The following SLC4A5 variants were observed in gnomAD, a reference collection of about 807,000 sequenced individuals.
SLC4A5 encodes solute carrier family 4 member 5.
SLC4A5 carries 96 observed loss-of-function variants against 120.4 expected under a neutral mutation model. The ratio of observed to expected loss-of-function variants is 0.80; its 90% confidence interval spans 0.68 to 0.94. SLC4A5 has a LOEUF of 0.94. Ranked by LOEUF, SLC4A5 falls within the 40% of genes least tolerant of loss-of-function variation. The probability of loss-of-function intolerance (pLI) is 0.00; values close to 1 mark genes in which losing one functional copy is unlikely to be tolerated. For synonymous variants in SLC4A5, 550 were observed against 571.1 expected, an observed-to-expected ratio of 0.96 and a Z score of 0.53; for missense variants, 1,259 against 1,459.5, an observed-to-expected ratio of 0.86 and a Z score of 2.24.
chr2:74,254,818 T>C (rs1670909742), intron 13 of SLC4A5, 112 bp from the exon 14 acceptor site: 1 of 125,932 alleles, frequency 7.9e-6, no homozygotes, highest in African/African-American at 4.9e-5. Flanking sequence ...ACAGTATGCA[T>C]TTTTTTTTTT....
chr2:74,342,143 C>T (rs543658947), intron 2 of SLC4A5, among the ~76,000 whole-genome samples: 11 of 152,300 alleles, frequency 7.2e-5, no homozygotes, highest in African/African-American at 2.6e-4. Flanking sequence ...GAAGGAAACC[C>T]AAGACCAGTT....
exon 17 of SLC4A5, chr2:74,250,437 T>C: frequency 1.9e-6 from 3 of 1,614,192 alleles, no homozygotes; most frequent in South Asian, 2.2e-5. Flanking sequence ...AGAGATGGAC[T>C]GAATGTGGAA....
chr2:74,235,255 C>T (rs776694831), intron 21 of SLC4A5, 41 bp from the exon 22 acceptor site: 3 of 1,521,108 alleles, frequency 2.0e-6, no homozygotes, highest in Admixed American at 1.7e-5. Flanking sequence ...GTGAGTAAAG[C>T]ACCCACCCAG....
rs962471976 is a variant in SLC4A5, at chr2:74,222,745, T to C, written c.3331+123A>G. ...AAACTTGTCCCTTATGACAAAAAAG[T>C]TGGGGACTGCTGCTCTAGCATCCAA... On this transcript the variant is annotated intron_variant, in intron 29 of 30. Coordinates refer to ENST00000394019, the Ensembl canonical transcript of SLC4A5. 4.7e-6 allele frequency: 4 copies of C among 856,126 alleles called. No individual in the cohort carries two copies. The African/African-American group carries it at 5.0e-5, about 11-fold the overall frequency. 53.0% of individuals were successfully genotyped at this position (856,126 alleles called of 1,614,324 possible).
intron 9 of SLC4A5, 80 bp from the exon 10 acceptor site, chr2:74,264,379 T>G: frequency 6.7e-7 from 1 of 1,482,228 alleles, no homozygotes; most frequent in Non-Finnish European, 9.1e-7. Flanking sequence ...TCACCTGTTA[T>G]TAGTGGGATT....
At chr2:74,247,143 T>G (rs775061845) in exon 19 of SLC4A5, 1 of 1,614,210 alleles carries the variant, frequency 6.2e-7, no homozygotes, top group East Asian at 2.2e-5. Flanking sequence ...CTTGATGGCA[T>G]CGTAGATGAA....
Position 74,264,311 on chromosome 2 carries a change from A to G in SLC4A5, c.563-12T>C, listed in dbSNP as rs776196864. ...CTCAATGACATCATCTGTGTGGAAA[A>G]CATACACACCTCATCCCTGTGGGAC... On this transcript the variant is annotated splice_polypyrimidine_tract_variant and intron_variant, in intron 9 of 30. Transcript: ENST00000394019. 1 of 1,612,084 alleles carries G rather than the reference A, an allele frequency of 6.2e-7. No homozygotes were observed. The highest frequency in any genetic ancestry group is 1.3e-5 in the African/African-American group (1 of 74,884).
rs747810640 is a variant in SLC4A5, at chr2:74,227,549, A to C, written c.2916+261T>G. ...AGCTTCTTCTGGATTTTGAATTCTG[A>C]CCCTCCGGTCCCCATCTGTAAAATG... On this transcript the variant is annotated intron_variant, in intron 26 of 30. Transcript: ENST00000394019. The C allele has an allele frequency of 1.9e-6, 3 of 1,611,620 alleles. No homozygotes were observed. In the East Asian group the frequency reaches 6.7e-5, roughly 36 times the overall value.
At chr2:74,273,292 T>C (rs1671533986) in intron 8 of SLC4A5, among the ~76,000 whole-genome samples, 1 of 152,242 alleles carries the variant, frequency 6.6e-6, no homozygotes, top group Admixed American at 6.5e-5. Context: ...CTTGGTTAGT[T>C]TGTTTGCAAA....
At chr2:74,325,952 G>A (rs972012183) in intron 5 of SLC4A5, among the ~76,000 whole-genome samples, 3 of 151,690 alleles carry the variant, frequency 2.0e-5, no homozygotes, top group Admixed American at 2.0e-4. Context: ...AAGGAAGGGA[G>A]AAGGAAGGAG....
chr2:74,269,027 T>C (rs1671389436), intron 8 of SLC4A5, among the ~76,000 whole-genome samples: 1 of 152,176 alleles, frequency 6.6e-6, no homozygotes, highest in South Asian at 2.1e-4. Flanking sequence ...ACCTGAAACA[T>C]GGGGGCTGGA....
chr2:74,274,553 A>G (rs1671580599), intron 8 of SLC4A5, among the ~76,000 whole-genome samples: 1 of 152,194 alleles, frequency 6.6e-6, no homozygotes, highest in Non-Finnish European at 1.5e-5. Flanking sequence ...ACACATATGG[A>G]GAAGTTCAGA....
At chr2:74,313,087 GT>G (rs1672859668) in intron 6 of SLC4A5, among the ~76,000 whole-genome samples, 2 of 117,882 alleles carry the variant, frequency 1.7e-5, no homozygotes, top group African/African-American at 6.6e-5. Context: ...GTCTTGCTGT[GT>G]TGCCCAGGCT....
intron 7 of SLC4A5, among the ~76,000 whole-genome samples, chr2:74,300,801 G>A (rs1402742138): frequency 7.2e-5 from 11 of 152,214 alleles, no homozygotes; most frequent in Non-Finnish European, 1.5e-4. Flanking sequence ...GCAAGGGGCT[G>A]CTTTCCATGT....
chr2:74,316,321 TA>T (rs60481743), intron 5 of SLC4A5, among the ~76,000 whole-genome samples: 6,641 of 50,848 alleles, frequency 0.13, 534 homozygotes, highest in African/African-American at 0.27. Flanking sequence ...AAAAGAGTTG[TA>T]AAAAAAAAAA....
At chr2:74,292,486 T>C (rs981263687) in intron 7 of SLC4A5, among the ~76,000 whole-genome samples, 1 of 152,172 alleles carries the variant, frequency 6.6e-6, no homozygotes, top group African/African-American at 2.4e-5. Flanking sequence ...ACGTCAGAAG[T>C]TAATCCACAT....
intron 7 of SLC4A5, among the ~76,000 whole-genome samples, chr2:74,302,053 G>C (rs896789645): frequency 1.3e-5 from 2 of 152,158 alleles, no homozygotes; most frequent in African/African-American, 4.8e-5. Flanking sequence ...TAATTAGTTA[G>C]ATTATTTCTC....
intron 30 of SLC4A5, among the ~76,000 whole-genome samples, chr2:74,219,178 T>TGTGTGTGG (rs1188897836): frequency 1.4e-4 from 4 of 29,382 alleles, no homozygotes; most frequent in African/African-American, 5.9e-4. Context: ...TCTTTGGAGG[T>TGTGTGTGG]GTGTGTGTGT....
At chr2:74,303,791 C>T (rs1672548238) in intron 7 of SLC4A5, among the ~76,000 whole-genome samples, 1 of 152,036 alleles carries the variant, frequency 6.6e-6, no homozygotes, top group Non-Finnish European at 1.5e-5. Context: ...GCTAATGTAA[C>T]AAGAACTTCA....
Sources: gnomAD v4.1 joint callset for allele counts (sites outside exome capture counted in the v4.1 genomes callset) on GRCh38, gnomAD v4.1.1 for gene constraint, MANE v1.5 for transcripts, NCBI Gene and HGNC (gene_info 2026-07-23, HGNC 2026-07-21) for gene names.